The following RIOK3 variants were observed in gnomAD, a reference collection of about 807,000 sequenced individuals.
The protein encoded by RIOK3 is RIO kinase 3, also known as serine/threonine-protein kinase RIO3.
A neutral mutation model predicts 63.5 loss-of-function variants in RIOK3; 40 were observed. That is an observed-to-expected ratio of 0.63 (90% CI 0.49 to 0.82). The LOEUF is 0.82. Ranked by LOEUF, RIOK3 falls within the 40% of genes least tolerant of loss-of-function variation. The pLI, the probability that RIOK3 is intolerant of heterozygous loss-of-function variation, is 0.00. For synonymous variants in RIOK3, 193 were observed against 205.0 expected, an observed-to-expected ratio of 0.94 and a Z score of 0.50; for missense variants, 557 against 637.0, an observed-to-expected ratio of 0.87 and a Z score of 1.35.
At chr18:23,470,203 A>C (rs1444453963) in intron 7 of RIOK3, among the ~76,000 whole-genome samples, 2 of 152,124 alleles carry the variant, frequency 1.3e-5, no homozygotes, top group African/African-American at 4.8e-5. Flanking sequence ...TCTCTACTAA[A>C]AAATACAAAA....
intron 9 of RIOK3, 83 bp downstream of exon 9, chr18:23,475,190 C>A: frequency 1.8e-6 from 2 of 1,132,820 alleles, no homozygotes; most frequent in Non-Finnish European, 2.5e-6. Flanking sequence ...CTTAAAGAAG[C>A]CAGGCATGTT....
At chr18:23,476,919 AT>A in intron 9 of RIOK3, 86 bp from the exon 10 acceptor site, 1 of 1,139,136 alleles carries the variant, frequency 8.8e-7, no homozygotes, top group Non-Finnish European at 1.3e-6. Flanking sequence ...CTCCAAAAAA[AT>A]AAAAAATAAA....
intron 7 of RIOK3, 57 bp downstream of exon 7, chr18:23,467,583 T>C: frequency 2.0e-6 from 3 of 1,509,508 alleles, no homozygotes; most frequent in Non-Finnish European, 1.8e-6. Flanking sequence ...CTCCCCAAGA[T>C]TAATGAATTT....
chr18:23,455,701 G>A (rs2057335841), intron 1 of RIOK3, among the ~76,000 whole-genome samples: 1 of 151,872 alleles, frequency 6.6e-6, no homozygotes, highest in African/African-American at 2.4e-5. Flanking sequence ...CTGGAGTGCA[G>A]TGGCATGATC....
chr18:23,453,672 G>A (rs1044846952), intron 1 of RIOK3, among the ~76,000 whole-genome samples, 170 bp downstream of exon 1: 1 of 152,242 alleles, frequency 6.6e-6, no homozygotes, highest in Non-Finnish European at 1.5e-5. Flanking sequence ...GATGGAGGGA[G>A]CGGAAAGAGG....
In RIOK3 at chr18:23,463,054, G is replaced by C. The variant is rs762251854; in HGVS notation, c.154G>C (p.Glu52Gln). 1 of 1,609,132 alleles carries C rather than the reference G, an allele frequency of 6.2e-7. No homozygotes were observed. Among genetic ancestry groups the C allele is most frequent in the Non-Finnish European group, 8.5e-7 (1 of 1,178,118 alleles). The change falls in exon 2 of 13, where the codon GAA becomes CAA. Residue 52 changes from glutamate to glutamine, a missense_variant. By Grantham distance (29) the Glu-to-Gln change is conservative. This residue lies in a region of RIOK3 where 243 missense variants were observed against 275.4 expected (regional missense o/e 0.88). Transcript: ENST00000339486. The stretch of plus-strand genomic sequence containing the variant: ...GGCCAAAGAATTGCAGTTAGAAGAA[G>C]AAGCTGCCGTTTTTCCTGAAGTTGC... ...QLAKELQLEEEAAVFPEVAVA... is the reference protein window; with the variant it reads ...QLAKELQLEEQAAVFPEVAVA...
rs1019100449 is a variant in RIOK3 at position 23,463,207 on chromosome 18, G to A, written c.179+128G>A. 28 of 552,514 alleles carry A rather than the reference G, an allele frequency of 5.1e-5. 1 individual carries two copies. The highest frequency in any genetic ancestry group is 8.3e-5 in the Non-Finnish European group (26 of 313,248). 34.2% of individuals were successfully genotyped at this position (552,514 alleles called of 1,614,324 possible). ...GAAAGCACCATATTGAGAGTCCAGT[G>A]ATACTTGAATTTTGGTCCTGATTTT... On this transcript the variant is annotated intron_variant, in intron 2 of 12. Transcript: ENST00000339486.
intron 6 of RIOK3, among the ~76,000 whole-genome samples, chr18:23,466,835 A>G (rs1259159754): frequency 1.3e-5 from 2 of 151,468 alleles, no homozygotes; most frequent in Non-Finnish European, 2.9e-5. Context: ...ACCCTGTCTC[A>G]GCAAAAGTTT....
At chr18:23,453,587 C>T (rs2057318176) in intron 1 of RIOK3, 85 bp downstream of exon 1, 3 of 1,222,568 alleles carry the variant, frequency 2.5e-6, no homozygotes, top group South Asian at 1.2e-5. Flanking sequence ...GCTTCGTGGG[C>T]GATTCGGGAA....
chr18:23,454,819 G>C (rs1198949957), intron 1 of RIOK3, among the ~76,000 whole-genome samples: 2 of 152,208 alleles, frequency 1.3e-5, no homozygotes, highest in East Asian at 3.8e-4. Flanking sequence ...TGGGAGGACA[G>C]TGTTTTGAAA....
Position 23,465,828 on chromosome 18 carries a change from C to A in RIOK3, c.544-305C>A, listed in dbSNP as rs113517960. On this transcript the variant is annotated intron_variant, in intron 5 of 12. Coordinates refer to ENST00000339486, the MANE Select transcript of RIOK3 (RefSeq NM_003831.5). ...AAGATTTGGTGTAGCCTTCACAGTTCAATATTGTGTCCTTTGGCTAAAAGC... is the reference window on the plus strand; with the variant it reads ...AAGATTTGGTGTAGCCTTCACAGTTAAATATTGTGTCCTTTGGCTAAAAGC... Among the ~76,000 whole-genome samples the A allele has an allele frequency of 2.3e-4, 35 of 152,284 alleles. 1 individual carries two copies. The highest frequency in any genetic ancestry group is 8.4e-4 in the African/African-American group (35 of 41,556).
intron 8 of RIOK3, among the ~76,000 whole-genome samples, chr18:23,474,686 C>T (rs1043901368): frequency 2.0e-5 from 3 of 152,190 alleles, no homozygotes; most frequent in African/African-American, 7.2e-5. Context: ...TTCTAATAAG[C>T]CATCCTTGGT....
At position 23,481,555 on chromosome 18, in the gene RIOK3, G is replaced by A. The variant is rs1235986102; in HGVS notation, c.*276G>A. 3.4e-6 allele frequency: 1 copy of A among 297,090 alleles called. No homozygotes were observed. Among genetic ancestry groups the A allele is most frequent in the Non-Finnish European group, 6.2e-6 (1 of 162,074 alleles). 18.4% of individuals were successfully genotyped at this position (297,090 alleles called of 1,614,324 possible). ...AAGTAGACCTAATTTTATGTGACTT[G>A]TGGTGTAAAATGTCTTGATGATAAT... On this transcript the variant is annotated 3_prime_UTR_variant, in exon 13 of 13. Transcript: ENST00000339486.
chr18:23,469,362 C>CCT (rs1568384428), intron 7 of RIOK3, among the ~76,000 whole-genome samples: 1 of 3,286 alleles, frequency 3.0e-4, no homozygotes, highest in Non-Finnish European at 5.2e-4. Flanking sequence ...TCTCTCCCTC[C>CCT]CTCCCTCCCT....
At chr18:23,469,949 T>G (rs867575362) in intron 7 of RIOK3, among the ~76,000 whole-genome samples, 1 of 152,166 alleles carries the variant, frequency 6.6e-6, no homozygotes, top group South Asian at 2.1e-4. Context: ...AGAACCATTA[T>G]GGTCAATGAA....
intron 1 of RIOK3, among the ~76,000 whole-genome samples, chr18:23,456,144 C>T (rs1297398283): frequency 2.2e-5 from 3 of 139,162 alleles, no homozygotes; most frequent in Non-Finnish European, 4.8e-5. Context: ...GTTGCCTAGG[C>T]TGGTCTTGAA....
At chr18:23,455,225 C>T (rs543219170) in intron 1 of RIOK3, among the ~76,000 whole-genome samples, 1 of 152,176 alleles carries the variant, frequency 6.6e-6, no homozygotes, top group East Asian at 1.9e-4. Flanking sequence ...GCGCCTGCCA[C>T]CACGCCCAGC....
chr18:23,462,142 A>ATTT lies in RIOK3; in HGVS notation c.64-809_64-807dup, dbSNP rs368584198. ...AAAAAATGTGTTGTTTGTTCTTGCT[A>ATTT]TTTTTTTTTTTTTTTGGCAGGGGGT... is the stretch of plus-strand genomic sequence containing the variant. On this transcript the variant is annotated intron_variant, in intron 1 of 12. Coordinates refer to ENST00000339486, the MANE Select transcript of RIOK3 (RefSeq NM_003831.5). Among the ~76,000 whole-genome samples the ATTT allele has an allele frequency of 5.2e-3, 587 of 112,796 alleles. 15 individuals are homozygous for ATTT. The highest frequency in any genetic ancestry group is 0.011 in the African/African-American group (319 of 28,880). 74.0% of individuals were successfully genotyped at this position (112,796 alleles called of 152,430 possible). A position where few individuals can be genotyped will look rare whatever the true frequency, so the allele number is the denominator to read the frequency against.
intron 11 of RIOK3, 49 bp downstream of exon 11, chr18:23,477,317 A>G: frequency 7.1e-7 from 1 of 1,417,904 alleles, no homozygotes. Flanking sequence ...TAACAGCTGC[A>G]GGTATTTTTC....
Sources: gnomAD v4.1 joint callset for allele counts (sites outside exome capture counted in the v4.1 genomes callset) on GRCh38, gnomAD v4.1.1 for gene constraint, gnomAD v4.1.1 regional missense constraint, MANE v1.5 for transcripts, NCBI Gene and HGNC (gene_info 2026-07-23, HGNC 2026-07-21) for gene names.